IGF2R: variants seen among roughly 807,000 people sequenced by gnomAD.
The protein encoded by IGF2R is cation-independent mannose-6-phosphate receptor.
In IGF2R, 91 loss-of-function variants were observed where a neutral mutation model predicts 270.6. The ratio of observed to expected loss-of-function variants is 0.34; its 90% confidence interval spans 0.28 to 0.40. The LOEUF (loss-of-function observed/expected upper bound fraction) is 0.40, where lower values mean the gene tolerates loss of function less well. IGF2R is among the 10% of genes least tolerant of loss of function. The pLI is 1.00. For synonymous variants in IGF2R, 1,316 were observed against 1,258.9 expected, an observed-to-expected ratio of 1.05 and a Z score of -0.96; for missense variants, 2,805 against 3,188.3, an observed-to-expected ratio of 0.88 and a Z score of 2.90.
At position 160,044,612 on chromosome 6, in the gene IGF2R, C is replaced by A; in HGVS notation, c.1720C>A (p.His574Asn). 6.2e-7 allele frequency: 1 copy of A among 1,610,588 alleles called. No homozygotes were observed. The highest frequency in any genetic ancestry group is 1.1e-5 in the South Asian group (1 of 90,018). ...TTATTCAGATGGTGATGATTGTGGT[C>A]ATGGCAAGAAAATTAAAACTAATAT... ...LSYSDGDDCG[H>N]GKKIKTNITL... Residue 574 changes from histidine (H) to asparagine (N), a missense_variant, in exon 13 of 48, where the codon CAT becomes AAT. Physicochemically the swap from His to Asn is moderately conservative, Grantham distance 68. Around this residue, in one of 2 missense-constraint regions of IGF2R, gnomAD observed 954 missense variants for 981.1 expected, o/e 0.97. Coordinates refer to ENST00000356956, the MANE Select transcript of IGF2R (RefSeq NM_000876.4).
chr6:160,063,336 C>G lies in IGF2R; in HGVS notation c.3671-79C>G, dbSNP rs554563092. 41 of 1,165,604 alleles carry G rather than the reference C, an allele frequency of 3.5e-5. No individual in the cohort carries two copies. The Admixed American group carries it at 5.3e-4, about 15-fold the overall frequency. 72.2% of individuals were successfully genotyped at this position (1,165,604 alleles called of 1,614,324 possible). ...ACAGGCGTGAGCCACTGCGCCCGGC[C>G]ATTTGTAAAGCTTTTTGCTTGAAAA... On this transcript the variant is annotated intron_variant, in intron 26 of 47. Coordinates refer to ENST00000356956, the MANE Select transcript of IGF2R (RefSeq NM_000876.4).
In IGF2R at chr6:160,033,155, G is replaced by A. The variant is rs764452952; in HGVS notation, c.1211+48G>A. The A allele has an allele frequency of 2.5e-5, 36 of 1,463,810 alleles. No individual in the cohort carries two copies. In the Admixed American group the frequency reaches 5.4e-4, roughly 22 times the overall value. 90.7% of individuals were successfully genotyped at this position (1,463,810 alleles called of 1,614,324 possible). On this transcript the variant is annotated intron_variant, in intron 9 of 47. Transcript: ENST00000356956. The stretch of plus-strand genomic sequence containing the variant: ...ATTTTCCTTTTTCTTTGTATTTCTT[G>A]AGATAGGGTTGCACTCTGGCGCCCA...
chr6:160,025,984 G>T (rs1777551461), intron 5 of IGF2R, among the ~76,000 whole-genome samples: 1 of 152,158 alleles, frequency 6.6e-6, no homozygotes, highest in Non-Finnish European at 1.5e-5. Flanking sequence ...ATTCACAGTA[G>T]GGGTGCCCTA....
Position 160,084,929 on chromosome 6 carries a change from C to A in IGF2R, c.6069-66C>A. The A allele has an allele frequency of 6.7e-7, 1 of 1,497,480 alleles. No homozygotes were observed. Among genetic ancestry groups the A allele is most frequent in the Non-Finnish European group, 9.1e-7 (1 of 1,094,284 alleles). The allele number at this position is 1,497,480 out of a possible 1,614,324, so 92.8% of individuals were successfully genotyped here. A position where few individuals can be genotyped will look rare whatever the true frequency, so the allele number is the denominator to read the frequency against. The stretch of plus-strand genomic sequence containing the variant: ...TTTCTCTGAAAGTAAAGTGAAGAGC[C>A]CTCCTGTGTCAGGGCAGAGACGTCA... On this transcript the variant is annotated intron_variant, in intron 40 of 47. Coordinates refer to ENST00000356956, the MANE Select transcript of IGF2R (RefSeq NM_000876.4). The surrounding 1 kb of genome is among the most constrained non-coding windows in gnomAD (Gnocchi z 4.6).
chr6:159,970,668 T>C (rs1783596344), intron 1 of IGF2R, among the ~76,000 whole-genome samples: 1 of 152,218 alleles, frequency 6.6e-6, no homozygotes, highest in African/African-American at 2.4e-5. Context: ...CTAAGATACA[T>C]AGTTACTCCA....
At chr6:159,996,325 G>A (rs190576578) in intron 2 of IGF2R, among the ~76,000 whole-genome samples, 37 of 152,318 alleles carry the variant, frequency 2.4e-4, no homozygotes, top group Non-Finnish European at 1.3e-4. Flanking sequence ...AGTGGAATCC[G>A]ATGGGTGGGT....
In IGF2R at chr6:159,985,172, A is replaced by T. The variant is rs931764244; in HGVS notation, c.150-6012A>T. On this transcript the variant is annotated intron_variant, in intron 1 of 47. Coordinates refer to ENST00000356956, the MANE Select transcript of IGF2R (RefSeq NM_000876.4). ...ATACAGAGTCTGTCCTTTTAATGGCATTTATTGTGACAAGATTTAAACTAA... is the reference window on the plus strand; with the variant it reads ...ATACAGAGTCTGTCCTTTTAATGGCTTTTATTGTGACAAGATTTAAACTAA... Among the ~76,000 whole-genome samples the T allele has an allele frequency of 6.6e-5, 10 of 152,206 alleles. No homozygotes were observed. In the South Asian group the frequency reaches 1.2e-3, roughly 19 times the overall value.
In IGF2R at chr6:160,108,982, G is replaced by A. The variant is rs546695981; in HGVS notation, c.*3898G>A. On this transcript the variant is annotated 3_prime_UTR_variant, in exon 48 of 48. Coordinates refer to ENST00000356956, the MANE Select transcript of IGF2R (RefSeq NM_000876.4). ...AGGCGTGAGCCACCGTGCCCAGCCA[G>A]GTCTTTTTCTTAAAGAGGGACAGAC... 6.6e-6 allele frequency: 1 copy of A among 152,394 alleles called. No homozygotes were observed. Among genetic ancestry groups the A allele is most frequent in the Non-Finnish European group, 1.5e-5 (1 of 68,088 alleles). The allele number at this position is 152,394 out of a possible 1,614,324, so 9.4% of individuals were successfully genotyped here.
intron 45 of IGF2R, among the ~76,000 whole-genome samples, chr6:160,098,250 T>C (rs531450187): frequency 7.9e-5 from 12 of 152,266 alleles, no homozygotes; most frequent in Middle Eastern, 3.4e-3. Flanking sequence ...GCACTGTTTA[T>C]AGGGCTTTGG....
At chr6:160,104,418 G>C (rs940455713) in intron 47 of IGF2R, among the ~76,000 whole-genome samples, 2 of 151,822 alleles carry the variant, frequency 1.3e-5, no homozygotes, top group Non-Finnish European at 2.9e-5. Context: ...ACCCTTGGCT[G>C]TGAGACTCCT....
chr6:160,109,756 C>T lies in IGF2R; in HGVS notation c.*4672C>T, dbSNP rs1779705675. ...CATGACCTTGACACATGAGGTCACT[C>T]TTCTCACCCGCCCCACCTCTGGGAG... On this transcript the variant is annotated 3_prime_UTR_variant, in exon 48 of 48. Transcript: ENST00000356956. 6.6e-6 allele frequency: 1 copy of T among 152,226 alleles called. No homozygotes were observed. The highest frequency in any genetic ancestry group is 2.4e-5 in the African/African-American group (1 of 41,452). 9.4% of individuals were successfully genotyped at this position (152,226 alleles called of 1,614,324 possible).
chr6:160,026,242 T>C (rs575969457), intron 5 of IGF2R, among the ~76,000 whole-genome samples: 1 of 152,358 alleles, frequency 6.6e-6, no homozygotes, highest in South Asian at 2.1e-4. Flanking sequence ...GCAGTCCATT[T>C]GTGAAATTTC....
chr6:160,010,794 G>T lies in IGF2R; in HGVS notation c.513+9G>T. 1 of 1,499,374 alleles carries T rather than the reference G, an allele frequency of 6.7e-7. No homozygotes were observed. The highest frequency in any genetic ancestry group is 9.3e-7 in the Non-Finnish European group (1 of 1,075,538). The allele number at this position is 1,499,374 out of a possible 1,614,324, so 92.9% of individuals were successfully genotyped here. A position where few individuals can be genotyped will look rare whatever the true frequency, so the allele number is the denominator to read the frequency against. On this transcript the variant is annotated intron_variant, in intron 4 of 47. Coordinates refer to ENST00000356956, the MANE Select transcript of IGF2R (RefSeq NM_000876.4). ...TTAAAGCAAATAAGGAGGTAACATG[G>T]GAACTTCAAATTACATGCTTATGAA...
chr6:159,984,770 TC>T (rs1254124871), intron 1 of IGF2R, among the ~76,000 whole-genome samples: 1 of 152,040 alleles, frequency 6.6e-6, no homozygotes, highest in African/African-American at 2.4e-5. Flanking sequence ...TATAAACCAG[TC>T]CCCCCATCAG....
intron 26 of IGF2R, 25 bp from the exon 27 acceptor site, chr6:160,063,390 C>G: frequency 1.9e-6 from 3 of 1,580,474 alleles, no homozygotes; most frequent in Non-Finnish European, 2.6e-6. Flanking sequence ...TGCAGTTGCC[C>G]TTCACTTCTT....
intron 6 of IGF2R, among the ~76,000 whole-genome samples, chr6:160,029,273 C>T (rs1180677374): frequency 1.3e-5 from 2 of 152,186 alleles, no homozygotes; most frequent in African/African-American, 2.4e-5. Flanking sequence ...AGCCATCGCA[C>T]CCAGCCAGGT....
At chr6:160,063,696 T>A in intron 27 of IGF2R, 66 bp downstream of exon 27, 3 of 1,260,990 alleles carry the variant, frequency 2.4e-6, no homozygotes, top group Non-Finnish European at 3.3e-6. Flanking sequence ...AATATTTTGC[T>A]GAAGATGAAT....
chr6:160,077,352 G>C (rs745373569), intron 36 of IGF2R, among the ~76,000 whole-genome samples: 1 of 152,150 alleles, frequency 6.6e-6, no homozygotes, highest in Non-Finnish European at 1.5e-5. Flanking sequence ...TAAGTTCTTC[G>C]TTCTTTAAAG....
At chr6:160,051,202 A>C (rs1220400912) in intron 19 of IGF2R, among the ~76,000 whole-genome samples, 1 of 152,202 alleles carries the variant, frequency 6.6e-6, no homozygotes. Context: ...GAGATAGGGG[A>C]TGTAGACAGT....
Sources: allele counts gnomAD v4.1 joint callset (sites outside exome capture counted in the v4.1 genomes callset), GRCh38; gene constraint gnomAD v4.1.1; regional missense constraint gnomAD v4.1.1; non-coding constraint Gnocchi (gnomAD v3.1); transcripts MANE v1.5; gene names NCBI Gene and HGNC (gene_info 2026-07-23, HGNC 2026-07-21).